The following HSD17B8 variants were observed in gnomAD, a reference collection of about 807,000 sequenced individuals.
HSD17B8 encodes (3R)-3-hydroxyacyl-CoA dehydrogenase.
In HSD17B8, 23 loss-of-function variants were observed where a neutral mutation model predicts 33.2. That is an observed-to-expected ratio of 0.69 (90% CI 0.50 to 0.98). HSD17B8 has a LOEUF of 0.98. HSD17B8 is among the 50% of genes least tolerant of loss of function. The probability of loss-of-function intolerance (pLI) is 0.00; values close to 1 mark genes in which losing one functional copy is unlikely to be tolerated. For missense variants in HSD17B8, 345 were observed against 347.5 expected (o/e 0.99, Z 0.06); for synonymous variants, 137 against 138.6 (o/e 0.99, Z 0.08).
chr6:33,205,963 G>GT lies in HSD17B8; in HGVS notation c.651+51_651+52insT. 9 of 1,407,898 alleles carry GT rather than the reference G, an allele frequency of 6.4e-6. No individual in the cohort carries two copies. The highest frequency in any genetic ancestry group is 7.9e-6 in the Non-Finnish European group (8 of 1,010,112). The allele number at this position is 1,407,898 out of a possible 1,614,324, so 87.2% of individuals were successfully genotyped here. ...AATCATTCAGAGACTCAATCTCTCT[G>GT]GGCTTCACAGAGAGAGAGAGAGAGA... On this transcript the variant is annotated intron_variant, in intron 6 of 8. Coordinates refer to ENST00000374662, the MANE Select transcript of HSD17B8 (RefSeq NM_014234.5). This position sits in a 1 kb window ranked among gnomAD's most constrained non-coding sequence, Gnocchi z 5.0.
Position 33,205,405 on chromosome 6 carries a change from A to G in HSD17B8, c.388-42A>G, listed in dbSNP as rs1464770688. 1 of 1,607,652 alleles carries G rather than the reference A, an allele frequency of 6.2e-7. No homozygotes were observed. Among genetic ancestry groups the G allele is most frequent in the Non-Finnish European group, 8.5e-7 (1 of 1,175,108 alleles). On this transcript the variant is annotated intron_variant, in intron 3 of 8. Transcript: ENST00000374662. This position sits in a 1 kb window ranked among gnomAD's most constrained non-coding sequence, Gnocchi z 5.0. Reference sequence around the variant, plus strand: ...GGGAGGGAGTTGGAGGAGGGCTGTCACCCCAGCTGATCTTTTCTCCCTTGT... The same window carrying G: ...GGGAGGGAGTTGGAGGAGGGCTGTCGCCCCAGCTGATCTTTTCTCCCTTGT...
rs746874388 is a variant in HSD17B8 at position 33,205,746 on chromosome 6, T to A, written c.566+21T>A. The A allele has an allele frequency of 6.2e-7, 1 of 1,612,596 alleles. No homozygotes were observed. The highest frequency in any genetic ancestry group is 1.3e-5 in the African/African-American group (1 of 74,976). On this transcript the variant is annotated intron_variant, in intron 5 of 8. Coordinates refer to ENST00000374662, the MANE Select transcript of HSD17B8 (RefSeq NM_014234.5). The surrounding 1 kb of genome is among the most constrained non-coding windows in gnomAD (Gnocchi z 5.0). ...GGACGGTTGGTCAGATGCTTGAGGG[T>A]GCTGGGGAGCACCTGGGGGGTCTGA...
Position 33,205,481 on chromosome 6 carries a change from C to A in HSD17B8, c.422C>A (p.Ala141Asp). 1 of 1,613,142 alleles carries A rather than the reference C, an allele frequency of 6.2e-7. No homozygotes were observed. The change falls in exon 4 of 9, where the codon GCC becomes GAC. Residue 141 changes from alanine to aspartate, a missense_variant. Ala to Asp is a moderately radical substitution (Grantham distance 126). Transcript: ENST00000374662. This position sits in a 1 kb window ranked among gnomAD's most constrained non-coding sequence, Gnocchi z 5.0. ...TFLVTQAAAQ[A>D]LVSNGCRGSI... ...CTAGTCACTCAGGCTGCAGCACAAG[C>A]CCTGGTGTCCAATGGTTGTCGTGGT...
chr6:33,205,755 G>A lies in HSD17B8; in HGVS notation c.566+30G>A. On this transcript the variant is annotated intron_variant, in intron 5 of 8. Transcript: ENST00000374662. This position sits in a 1 kb window ranked among gnomAD's most constrained non-coding sequence, Gnocchi z 5.0. The stretch of plus-strand genomic sequence containing the variant: ...GTCAGATGCTTGAGGGTGCTGGGGA[G>A]CACCTGGGGGGTCTGAGGGAGGTAC... 3.1e-6 allele frequency: 5 copies of A among 1,612,074 alleles called. No homozygotes were observed. In the South Asian group the frequency reaches 3.3e-5, roughly 11 times the overall value.
chr6:33,205,560 G>A lies in HSD17B8; in HGVS notation c.480+21G>A. 6.2e-7 allele frequency: 1 copy of A among 1,612,486 alleles called. No individual in the cohort carries two copies. Among genetic ancestry groups the A allele is most frequent in the Non-Finnish European group, 8.5e-7 (1 of 1,179,486 alleles). On this transcript the variant is annotated intron_variant, in intron 4 of 8. Transcript: ENST00000374662. The surrounding 1 kb of genome is among the most constrained non-coding windows in gnomAD (Gnocchi z 5.0). ...GAAAGGTCAGGTTGAGTTGGACGAG[G>A]TCAGCCAGCCAAGTGGTATAGAGAG...
intron 1 of HSD17B8, 83 bp downstream of exon 1, chr6:33,204,803 C>T: frequency 6.3e-7 from 1 of 1,575,246 alleles, no homozygotes; most frequent in South Asian, 1.1e-5. Context: ...GCCGCTGTGA[C>T]CTCTGGCCCC....
Position 33,205,417 on chromosome 6 carries a change from C to A in HSD17B8, c.388-30C>A. On this transcript the variant is annotated intron_variant, in intron 3 of 8. Transcript: ENST00000374662. The surrounding 1 kb of genome is among the most constrained non-coding windows in gnomAD (Gnocchi z 5.0). ...GAGGAGGGCTGTCACCCCAGCTGATCTTTTCTCCCTTGTTACCCTTTCCCG... is the reference window on the plus strand; with the variant it reads ...GAGGAGGGCTGTCACCCCAGCTGATATTTTCTCCCTTGTTACCCTTTCCCG... The A allele has an allele frequency of 6.2e-7, 1 of 1,610,828 alleles. No homozygotes were observed. Among genetic ancestry groups the A allele is most frequent in the Non-Finnish European group, 8.5e-7 (1 of 1,177,886 alleles).
Position 33,205,036 on chromosome 6 carries a change from G to T in HSD17B8, c.187G>T (p.Gly63Trp). Residue 63 changes from glycine to tryptophan, a missense_variant, in exon 2 of 9, where the codon GGG (glycine) becomes TGG (tryptophan). Physicochemically the swap from Gly to Trp is radical, Grantham distance 184. Coordinates refer to ENST00000374662, the MANE Select transcript of HSD17B8 (RefSeq NM_014234.5). This position sits in a 1 kb window ranked among gnomAD's most constrained non-coding sequence, Gnocchi z 5.0. The part of the protein sequence containing the change: ...RLLGGPGSKE[G>W]PPRGNHAAFQ... ...GCTGGGCGGGCCAGGGAGCAAGGAGGGGCCGCCCCGAGGGAACCATGCTGC... is the reference window on the plus strand; with the variant it reads ...GCTGGGCGGGCCAGGGAGCAAGGAGTGGCCGCCCCGAGGGAACCATGCTGC... 6.5e-7 allele frequency: 1 copy of T among 1,545,622 alleles called. No individual in the cohort carries two copies.
rs1774935270 is a variant in HSD17B8, at chr6:33,205,079, C to T, written c.230C>T (p.Ser77Phe). The T allele has an allele frequency of 3.2e-6, 5 of 1,566,022 alleles. No individual in the cohort carries two copies. The highest frequency in any genetic ancestry group is 4.3e-6 in the Non-Finnish European group (5 of 1,156,460). Residue 77 changes from serine to phenylalanine, a missense_variant, in exon 2 of 9, where the codon TCT becomes TTT. By Grantham distance (155) the Ser-to-Phe change is radical. Transcript: ENST00000374662. The surrounding 1 kb of genome is among the most constrained non-coding windows in gnomAD (Gnocchi z 5.0). ...CATGCTGCCTTCCAGGCTGACGTGT[C>T]TGAGGCCAGGGCCGCCAGGTGCCTG... ...GNHAAFQADV[S>F]EARAARCLLE...
chr6:33,205,554 G>A lies in HSD17B8; in HGVS notation c.480+15G>A. 1 of 1,612,714 alleles carries A rather than the reference G, an allele frequency of 6.2e-7. No individual in the cohort carries two copies. The highest frequency in any genetic ancestry group is 1.1e-5 in the South Asian group (1 of 91,078). On this transcript the variant is annotated intron_variant, in intron 4 of 8. Coordinates refer to ENST00000374662, the MANE Select transcript of HSD17B8 (RefSeq NM_014234.5). The surrounding 1 kb of genome is among the most constrained non-coding windows in gnomAD (Gnocchi z 5.0). ...TCGTAGGAAAGGTCAGGTTGAGTTGGACGAGGTCAGCCAGCCAAGTGGTAT... is the reference window on the plus strand; with the variant it reads ...TCGTAGGAAAGGTCAGGTTGAGTTGAACGAGGTCAGCCAGCCAAGTGGTAT...
intron 1 of HSD17B8, 54 bp downstream of exon 1, chr6:33,204,774 C>T: frequency 2.5e-6 from 4 of 1,605,790 alleles, no homozygotes; most frequent in Non-Finnish European, 3.4e-6. Flanking sequence ...AGGTCAGGGG[C>T]GTGCCCTTGG....
At position 33,205,204 on chromosome 6, in the gene HSD17B8, A is replaced by T; in HGVS notation, c.271-17A>T. 1 of 1,568,370 alleles carries T rather than the reference A, an allele frequency of 6.4e-7. No individual in the cohort carries two copies. Among genetic ancestry groups the T allele is most frequent in the Non-Finnish European group, 8.8e-7 (1 of 1,139,932 alleles). ...TTTTGTGGGGGGTTTTTGATGCGTA[A>T]CCTCCCCCTCCCATAGGCCTGCTTT... On this transcript the variant is annotated splice_polypyrimidine_tract_variant and intron_variant, in intron 2 of 8. Transcript: ENST00000374662. This position sits in a 1 kb window ranked among gnomAD's most constrained non-coding sequence, Gnocchi z 5.0.
In HSD17B8 at chr6:33,205,628, A is replaced by G. The variant is rs1294553270; in HGVS notation, c.481-12A>G. The G allele has an allele frequency of 1.9e-6, 3 of 1,612,766 alleles. No homozygotes were observed. The highest frequency in any genetic ancestry group is 2.5e-6 in the Non-Finnish European group (3 of 1,179,836). ...ACTCCTGACTCATTCCACATCTCTG[A>G]CTCACCTATAGGTGGGGAACGTGGG... On this transcript the variant is annotated splice_polypyrimidine_tract_variant and intron_variant, in intron 4 of 8. Transcript: ENST00000374662. This position sits in a 1 kb window ranked among gnomAD's most constrained non-coding sequence, Gnocchi z 5.0.
Position 33,206,032 on chromosome 6 carries a change from T to C in HSD17B8, c.652-102T>C. The C allele has an allele frequency of 6.9e-7, 1 of 1,445,094 alleles. No homozygotes were observed. Among genetic ancestry groups the C allele is most frequent in the Non-Finnish European group, 9.7e-7 (1 of 1,034,408 alleles). The allele number at this position is 1,445,094 out of a possible 1,614,324, so 89.5% of individuals were successfully genotyped here. A position where few individuals can be genotyped will look rare whatever the true frequency, so the allele number is the denominator to read the frequency against. ...CACAGTTCCTGGCAAACATTAAATA[T>C]TCAATGAATGTATGAGAAATGAAGA... On this transcript the variant is annotated intron_variant, in intron 6 of 8. Coordinates refer to ENST00000374662, the MANE Select transcript of HSD17B8 (RefSeq NM_014234.5). The surrounding 1 kb of genome is among the most constrained non-coding windows in gnomAD (Gnocchi z 6.2).
rs780050468 is a variant in HSD17B8, at chr6:33,206,145, G to A, written c.663G>A (p.Met221Ile). Residue 221 changes from methionine to isoleucine, a missense_variant, in exon 7 of 9, where the codon ATG (methionine) becomes ATA (isoleucine). Physicochemically the swap from Met to Ile is conservative, Grantham distance 10. Coordinates refer to ENST00000374662, the MANE Select transcript of HSD17B8 (RefSeq NM_014234.5). This position sits in a 1 kb window ranked among gnomAD's most constrained non-coding sequence, Gnocchi z 6.2. ...PQKVVDKITE[M>I]IPMGHLGDPE... ...GTATTTCCTTACAGATTACTGAAAT[G>A]ATCCCGATGGGACACTTGGGGGACC... 1.4e-5 allele frequency: 22 copies of A among 1,612,778 alleles called. No homozygotes were observed. The highest frequency in any genetic ancestry group is 1.9e-5 in the Non-Finnish European group (22 of 1,179,920).
Position 33,206,310 on chromosome 6 carries a change from G to T in HSD17B8, c.695-65G>T. ...GTGGGGAGGGATGTCTTTGGTGGGA[G>T]ATTATGGCTGTTTTGGGTCTATGGG... On this transcript the variant is annotated intron_variant, in intron 7 of 8. Transcript: ENST00000374662. This position sits in a 1 kb window ranked among gnomAD's most constrained non-coding sequence, Gnocchi z 6.2. The T allele has an allele frequency of 6.4e-7, 1 of 1,566,430 alleles. No homozygotes were observed. The highest frequency in any genetic ancestry group is 8.8e-7 in the Non-Finnish European group (1 of 1,138,088).
chr6:33,204,711 T>G lies in HSD17B8; in HGVS notation c.43T>G (p.Leu15Val). 1 of 1,611,104 alleles carries G rather than the reference T, an allele frequency of 6.2e-7. No homozygotes were observed. Among genetic ancestry groups the G allele is most frequent in the Admixed American group, 1.7e-5 (1 of 59,962 alleles). ...LQNRLRSALALVTGAGSGIGR... is the reference protein window; with the variant it reads ...LQNRLRSALAVVTGAGSGIGR... Reference sequence around the variant, plus strand: ...GAACCGACTCCGCTCCGCACTGGCCTTGGTCACAGGTTGAGGGGGTTCTTT... The same window carrying G: ...GAACCGACTCCGCTCCGCACTGGCCGTGGTCACAGGTTGAGGGGGTTCTTT... Residue 15 changes from leucine to valine, a missense_variant, in exon 1 of 9, where the codon TTG becomes GTG. Physicochemically the swap from Leu to Val is conservative, Grantham distance 32. Coordinates refer to ENST00000374662, the MANE Select transcript of HSD17B8 (RefSeq NM_014234.5).
chr6:33,206,516 A>G lies in HSD17B8; in HGVS notation c.769+67A>G. The stretch of plus-strand genomic sequence containing the variant: ...ACCCAGACTATATGAGAAAGCAAGT[A>G]AGGGGAGTCTGGAGCCACTGGGAAG... On this transcript the variant is annotated intron_variant, in intron 8 of 8. Coordinates refer to ENST00000374662, the MANE Select transcript of HSD17B8 (RefSeq NM_014234.5). This position sits in a 1 kb window ranked among gnomAD's most constrained non-coding sequence, Gnocchi z 6.2. 1 of 1,565,442 alleles carries G rather than the reference A, an allele frequency of 6.4e-7. No homozygotes were observed. Among genetic ancestry groups the G allele is most frequent in the Non-Finnish European group, 8.8e-7 (1 of 1,136,012 alleles).
chr6:33,205,246 T>C lies in HSD17B8; in HGVS notation c.296T>C (p.Val99Ala). The C allele has an allele frequency of 6.2e-7, 1 of 1,613,218 alleles. No individual in the cohort carries two copies. The highest frequency in any genetic ancestry group is 8.5e-7 in the Non-Finnish European group (1 of 1,179,992). Residue 99 changes from valine to alanine, a missense_variant, in exon 3 of 9, where the codon GTC becomes GCC. Val to Ala is a moderately conservative substitution (Grantham distance 64). Coordinates refer to ENST00000374662, the MANE Select transcript of HSD17B8 (RefSeq NM_014234.5). The surrounding 1 kb of genome is among the most constrained non-coding windows in gnomAD (Gnocchi z 5.0). ...VQACFSRPPS[V>A]VVSCAGITQD... is the part of the protein sequence containing the mutation. The stretch of plus-strand genomic sequence containing the variant: ...GCCTGCTTTTCTCGCCCACCATCTG[T>C]CGTTGTGTCCTGTGCGGGCATCACC...
Sources: allele counts gnomAD v4.1 joint callset, GRCh38; gene constraint gnomAD v4.1.1; non-coding constraint Gnocchi (gnomAD v3.1); transcripts MANE v1.5; gene names NCBI Gene and HGNC (gene_info 2026-07-23, HGNC 2026-07-21).